POFUT3: variants seen among roughly 807,000 people sequenced by gnomAD.
POFUT3 encodes the protein protein O-fucosyltransferase 3, also known as GDP-fucose protein O-fucosyltransferase 3.
chr8:33,389,697 G>A, the POFUT3 span: 9 of 1,614,140 alleles, frequency 5.6e-6, no homozygotes, highest in Non-Finnish European at 7.6e-6. Flanking sequence ...ACTGGTTTAT[G>A]AAAGAGCTTA....
chr8:33,416,446 G>A, the POFUT3 span, among the ~76,000 whole-genome samples: 15 of 151,748 alleles, frequency 9.9e-5, no homozygotes, highest in South Asian at 2.1e-3. Context: ...ATATGGTGGC[G>A]CACACCTGTA....
At chr8:33,379,219 T>C in the POFUT3 span, among the ~76,000 whole-genome samples, 1 of 152,084 alleles carries the variant, frequency 6.6e-6, no homozygotes, top group Non-Finnish European at 1.5e-5. Flanking sequence ...TCTCTCCTTA[T>C]AAATACCCAG....
At chr8:33,318,259 T>G in the POFUT3 span, among the ~76,000 whole-genome samples, 1 of 151,606 alleles carries the variant, frequency 6.6e-6, no homozygotes, top group South Asian at 2.1e-4. Context: ...TAATATACTG[T>G]TTCACTTAAC....
At chr8:33,323,224 G>T in the POFUT3 span, among the ~76,000 whole-genome samples, 14 of 152,286 alleles carry the variant, frequency 9.2e-5, no homozygotes, top group African/African-American at 3.4e-4. Flanking sequence ...TCTGAACTGT[G>T]TGTCTTGATG....
At chr8:33,468,633 C>A in the POFUT3 span, among the ~76,000 whole-genome samples, 2 of 152,208 alleles carry the variant, frequency 1.3e-5, no homozygotes, top group African/African-American at 4.8e-5. Flanking sequence ...ACTCTTCAGG[C>A]ACTTTTAAGT....
the POFUT3 span, among the ~76,000 whole-genome samples, chr8:33,386,188 C>CAAAAAAAAAAAAA: frequency 9.4e-5 from 3 of 32,046 alleles, no homozygotes; most frequent in East Asian, 1.3e-3. Context: ...GGCTCCATCT[C>CAAAAAAAAAAAAA]AAAAAAAAAA....
chr8:33,349,570 A>G, the POFUT3 span, among the ~76,000 whole-genome samples: 15 of 152,254 alleles, frequency 9.9e-5, no homozygotes, highest in African/African-American at 3.6e-4. Context: ...CACTTAGGAT[A>G]ATGGTCTCCA....
the POFUT3 span, among the ~76,000 whole-genome samples, chr8:33,417,641 A>G: frequency 1.3e-5 from 2 of 152,186 alleles, no homozygotes; most frequent in Admixed American, 6.5e-5. Context: ...AGGGTTAGGG[A>G]ACAACAAGTC....
chr8:33,369,860 T>G, the POFUT3 span, among the ~76,000 whole-genome samples: 14 of 152,084 alleles, frequency 9.2e-5, no homozygotes, highest in Non-Finnish European at 1.8e-4. Flanking sequence ...TAGAATCTAG[T>G]CCTTAACAGC....
the POFUT3 span, among the ~76,000 whole-genome samples, chr8:33,406,234 G>GAA: frequency 2.7e-4 from 40 of 148,882 alleles, no homozygotes; most frequent in African/African-American, 9.8e-4. Context: ...ATTCTAACAT[G>GAA]AAAAAAAAAA....
the POFUT3 span, among the ~76,000 whole-genome samples, chr8:33,316,402 G>A: frequency 2.0e-5 from 3 of 151,922 alleles, no homozygotes; most frequent in African/African-American, 7.3e-5. Context: ...GAAAGGTCTA[G>A]TGGGTTTTGA....
the POFUT3 span, among the ~76,000 whole-genome samples, chr8:33,331,614 G>C: frequency 2.0e-5 from 3 of 152,078 alleles, no homozygotes. Flanking sequence ...TTGAGCCCAG[G>C]AATTTGAGAC....
the POFUT3 span, among the ~76,000 whole-genome samples, chr8:33,368,877 A>C: frequency 1.3e-5 from 2 of 152,194 alleles, no homozygotes; most frequent in Non-Finnish European, 2.9e-5. Flanking sequence ...GAGGGTGGGA[A>C]GAGTCAGAGA....
the POFUT3 span, among the ~76,000 whole-genome samples, chr8:33,407,612 G>A: frequency 6.6e-6 from 1 of 152,162 alleles, no homozygotes; most frequent in Admixed American, 6.5e-5. Context: ...GTTGAAATCA[G>A]GTAAGTAATG....
At chr8:33,333,595 A>T in the POFUT3 span, among the ~76,000 whole-genome samples, 5 of 147,866 alleles carry the variant, frequency 3.4e-5, no homozygotes, top group African/African-American at 5.1e-5. Flanking sequence ...AGTATTCCTG[A>T]GAGAGCAAAT....
the POFUT3 span, among the ~76,000 whole-genome samples, chr8:33,441,314 G>A: frequency 2.3e-5 from 3 of 129,796 alleles, no homozygotes; most frequent in Non-Finnish European, 4.9e-5. Flanking sequence ...CTGGACAACA[G>A]AGCAAGACTC....
chr8:33,429,995 C>CAA, the POFUT3 span, among the ~76,000 whole-genome samples: 2 of 124,772 alleles, frequency 1.6e-5, no homozygotes, highest in Non-Finnish European at 1.7e-5. Context: ...GACTCCATCT[C>CAA]AAAAAAAAAA....
the POFUT3 span, among the ~76,000 whole-genome samples, chr8:33,349,131 G>T: frequency 6.6e-6 from 1 of 152,188 alleles, no homozygotes; most frequent in Non-Finnish European, 1.5e-5. Context: ...TCCGTGTCAA[G>T]GGTCTTACCC....
the POFUT3 span, among the ~76,000 whole-genome samples, chr8:33,446,612 T>A: frequency 6.6e-6 from 1 of 152,114 alleles, no homozygotes; most frequent in Admixed American, 6.6e-5. Flanking sequence ...GCTCAAGTGT[T>A]TACTGTAATT....
Sources: gnomAD v4.1 joint callset for allele counts (sites outside exome capture counted in the v4.1 genomes callset) on GRCh38, gnomAD v4.1.1 for gene constraint, MANE v1.5 for transcripts, NCBI Gene and HGNC (gene_info 2026-07-23, HGNC 2026-07-21) for gene names.